SRBD1: variants seen among roughly 807,000 people sequenced by gnomAD.
SRBD1 encodes S1 RNA-binding domain-containing protein 1.
A neutral mutation model predicts 115.3 loss-of-function variants in SRBD1; 88 were observed. The observed-to-expected ratio is 0.76, with a 90% CI of 0.64 to 0.91. SRBD1 has a LOEUF of 0.91. Among genes scored for constraint, SRBD1 ranks in the 40% least tolerant of loss-of-function variants. SRBD1 has a pLI of 0.00. For missense variants in SRBD1, 1,385 were observed against 1,177.4 expected (o/e 1.18, Z -2.58); for synonymous variants, 509 against 407.7 (o/e 1.25, Z -2.99).
chr2:45,472,048 A>G (rs1360420202), intron 16 of SRBD1, among the ~76,000 whole-genome samples: 1 of 152,188 alleles, frequency 6.6e-6, no homozygotes, highest in Non-Finnish European at 1.5e-5. Flanking sequence ...AGCATTATTT[A>G]TAATACTTGA....
chr2:45,419,915 T>C, intron 16 of SRBD1, 21 bp from the exon 17 acceptor site: 4 of 1,597,222 alleles, frequency 2.5e-6, no homozygotes, highest in Non-Finnish European at 3.4e-6. Flanking sequence ...AAAGATCAAA[T>C]ATTAACAGTG....
intron 9 of SRBD1, among the ~76,000 whole-genome samples, 165 bp downstream of exon 9, chr2:45,573,042 C>T (rs1473685703): frequency 2.6e-5 from 4 of 152,004 alleles, no homozygotes; most frequent in Non-Finnish European, 5.9e-5. Context: ...TCATTACTTC[C>T]CAATTTGTGA....
chr2:45,515,581 T>A (rs1489920924), intron 14 of SRBD1, among the ~76,000 whole-genome samples: 2 of 152,136 alleles, frequency 1.3e-5, no homozygotes, highest in South Asian at 4.1e-4. Context: ...CAAGACTGTA[T>A]AACTCTGGAG....
At position 45,444,177 on chromosome 2, in the gene SRBD1, G is replaced by A. The variant is rs1383130242; in HGVS notation, c.2050-24283C>T. Among the ~76,000 whole-genome samples, 4 of 152,220 alleles carry A rather than the reference G, an allele frequency of 2.6e-5. No individual in the cohort carries two copies. The East Asian group carries it at 7.7e-4, about 29-fold the overall frequency. On this transcript the variant is annotated intron_variant, in intron 16 of 20. Coordinates refer to ENST00000263736, the MANE Select transcript of SRBD1 (RefSeq NM_018079.5). ...TACCATAACTTTGGAAGGACAAGGC[G>A]TGAGGATCTCTTGAGGTCAGGAGCT...
intron 9 of SRBD1, among the ~76,000 whole-genome samples, chr2:45,568,203 A>C (rs1672895334): frequency 6.6e-6 from 1 of 152,218 alleles, no homozygotes. Context: ...AAAAGATCAC[A>C]CTAAGGACCA....
intron 14 of SRBD1, among the ~76,000 whole-genome samples, chr2:45,543,083 T>A (rs755654): frequency 2.0e-5 from 3 of 152,192 alleles, no homozygotes; most frequent in Admixed American, 6.5e-5. Flanking sequence ...TTTAAACAAA[T>A]GACCCATAAA....
At chr2:45,509,322 C>T (rs1670891191) in intron 14 of SRBD1, among the ~76,000 whole-genome samples, 1 of 152,038 alleles carries the variant, frequency 6.6e-6, no homozygotes, top group Non-Finnish European at 1.5e-5. Flanking sequence ...CAAGGCAGGG[C>T]ATGGTGGCTC....
At chr2:45,423,131 T>A (rs1402801972) in intron 16 of SRBD1, among the ~76,000 whole-genome samples, 1 of 152,196 alleles carries the variant, frequency 6.6e-6, no homozygotes, top group Non-Finnish European at 1.5e-5. Context: ...GGACCCCAGA[T>A]GTGTTGTTGG....
At chr2:45,578,779 A>T (rs1311061289) in intron 7 of SRBD1, among the ~76,000 whole-genome samples, 1 of 152,212 alleles carries the variant, frequency 6.6e-6, no homozygotes, top group Non-Finnish European at 1.5e-5. Flanking sequence ...TCTAACATAC[A>T]ACACGGGGGC....
intron 19 of SRBD1, 102 bp from the exon 20 acceptor site, chr2:45,393,231 GTCAA>G: frequency 6.8e-6 from 8 of 1,183,034 alleles, no homozygotes; most frequent in Non-Finnish European, 9.1e-6. Context: ...AGACCCATAG[GTCAA>G]TCAATCAGTC....
chr2:45,524,625 T>C (rs988887947), intron 14 of SRBD1, among the ~76,000 whole-genome samples: 3 of 151,920 alleles, frequency 2.0e-5, no homozygotes, highest in African/African-American at 7.2e-5. Context: ...CTACAGAACA[T>C]TGTTGAAAGA....
At chr2:45,425,704 A>T (rs946432180) in intron 16 of SRBD1, among the ~76,000 whole-genome samples, 15 of 151,846 alleles carry the variant, frequency 9.9e-5, no homozygotes, top group African/African-American at 3.1e-4. Context: ...GAGTCAGGGA[A>T]CTCACTCAGA....
intron 16 of SRBD1, among the ~76,000 whole-genome samples, chr2:45,452,059 C>CAA (rs1669015694): frequency 6.6e-6 from 1 of 151,738 alleles, no homozygotes; most frequent in Non-Finnish European, 1.5e-5. Flanking sequence ...AATATAAAAA[C>CAA]AAAAAGGTAT....
At chr2:45,426,124 G>A (rs1056322654) in intron 16 of SRBD1, among the ~76,000 whole-genome samples, 4 of 152,212 alleles carry the variant, frequency 2.6e-5, no homozygotes, top group African/African-American at 7.2e-5. Context: ...TGCCAGCACA[G>A]CAGTCTGAAG....
intron 9 of SRBD1, chr2:45,569,340 C>T (rs72618604): frequency 0.044 from 6,756 of 152,336 alleles, 244 homozygotes; most frequent in East Asian, 0.16. Context: ...TGCTGGTCTC[C>T]CGTTCCTGTG....
chr2:45,528,523 G>C (rs78123499), intron 14 of SRBD1, among the ~76,000 whole-genome samples: 2 of 151,896 alleles, frequency 1.3e-5, no homozygotes, highest in South Asian at 2.1e-4. Context: ...ATAGGTTTGG[G>C]AGCCAAAGCA....
At chr2:45,607,610 T>G (rs1430187769) in intron 1 of SRBD1, among the ~76,000 whole-genome samples, 1 of 151,948 alleles carries the variant, frequency 6.6e-6, no homozygotes, top group Non-Finnish European at 1.5e-5. Context: ...CCAAACCAAT[T>G]TACCCTGCAG....
At chr2:45,526,074 G>C (rs967353174) in intron 14 of SRBD1, among the ~76,000 whole-genome samples, 1 of 151,906 alleles carries the variant, frequency 6.6e-6, no homozygotes, top group Admixed American at 6.6e-5. Context: ...AACAATCACA[G>C]AGTTACCACA....
rs1667748948 is a variant in SRBD1, at chr2:45,414,807, CACACACATAT to C, written c.2334-1524_2334-1515del. ...ACACATAGTGTGTATATAGTATGTA[CACACACATAT>C]AGTGTGTATATAGTATGTACACACA... On this transcript the variant is annotated intron_variant, in intron 18 of 20. Coordinates refer to ENST00000263736, the MANE Select transcript of SRBD1 (RefSeq NM_018079.5). 9.1e-4 allele frequency among the ~76,000 whole-genome samples: 125 copies of C among 136,746 alleles called. 4 individuals are homozygous for C. The highest frequency in any genetic ancestry group is 3.3e-3 in the African/African-American group (114 of 34,334). The allele number at this position is 136,746 out of a possible 152,430, so 89.7% of individuals were successfully genotyped here.
Sources: gnomAD v4.1 joint callset for allele counts (sites outside exome capture counted in the v4.1 genomes callset) on GRCh38, gnomAD v4.1.1 for gene constraint, MANE v1.5 for transcripts, NCBI Gene and HGNC (gene_info 2026-07-23, HGNC 2026-07-21) for gene names.